Variants in RADIL observed in about 807,000 individuals in gnomAD.
The protein encoded by RADIL is Rap associating with DIL domain, also known as ras-associating and dilute domain-containing protein.
Under a neutral mutation model 97.6 loss-of-function variants are expected in RADIL, and 99 were observed. That is an observed-to-expected ratio of 1.01 (90% CI 0.86 to 1.20). The LOEUF (loss-of-function observed/expected upper bound fraction) is 1.20. Ranked by LOEUF, RADIL falls within the 50% of genes most tolerant of loss-of-function variation. The pLI, the probability that RADIL is intolerant of heterozygous loss-of-function variation, is 0.00. For synonymous variants in RADIL, 803 were observed against 691.8 expected, an observed-to-expected ratio of 1.16 and a Z score of -2.52; for missense variants, 1,765 against 1,498.9, an observed-to-expected ratio of 1.18 and a Z score of -2.93.
chr7:4,857,107 A>G (rs917703683), intron 2 of RADIL, among the ~76,000 whole-genome samples: 1 of 152,240 alleles, frequency 6.6e-6, no homozygotes, highest in Non-Finnish European at 1.5e-5. Context: ...TGACACATTT[A>G]ACAATTTCTG....
In RADIL at chr7:4,813,343, C is replaced by T. The variant is rs532359800; in HGVS notation, c.2139+1935G>A. Among the ~76,000 whole-genome samples the T allele has an allele frequency of 1.3e-5, 2 of 152,314 alleles. No homozygotes were observed. Among genetic ancestry groups the T allele is most frequent in the African/African-American group, 2.4e-5 (1 of 41,550 alleles). On this transcript the variant is annotated intron_variant, in intron 9 of 14. Transcript: ENST00000399583. The surrounding 1 kb of genome is among the most constrained non-coding windows in gnomAD (Gnocchi z 5.0). The stretch of plus-strand genomic sequence containing the variant: ...CCAAGGGGTCCTGGACTCGTCATCT[C>T]TGTCTCCTCTACACTGTGAAGGCAC...
intron 9 of RADIL, chr7:4,809,533 CG>C (rs1455018695): frequency 1.0e-6 from 1 of 985,308 alleles, no homozygotes; most frequent in African/African-American, 1.7e-5. Context: ...GGCGGCTGCT[CG>C]GGAGCCCCCA....
chr7:4,805,029 G>A (rs1308379636), intron 10 of RADIL, among the ~76,000 whole-genome samples: 1 of 152,162 alleles, frequency 6.6e-6, no homozygotes, highest in African/African-American at 2.4e-5. Flanking sequence ...GGGAGGTGGA[G>A]GTTGCAGTGA....
intron 2 of RADIL, among the ~76,000 whole-genome samples, chr7:4,863,881 C>T (rs2115037487): frequency 6.6e-6 from 1 of 152,298 alleles, no homozygotes; most frequent in African/African-American, 2.4e-5. Context: ...CCAAGACTGG[C>T]CAATGCCTCT....
chr7:4,861,152 T>C (rs980228050), intron 2 of RADIL: 1 of 1,614,212 alleles, frequency 6.2e-7, no homozygotes, highest in Admixed American at 1.7e-5. Flanking sequence ...CAGCCTGAAG[T>C]TGTCAATGTT....
chr7:4,880,347 A>G lies in RADIL; in HGVS notation c.-64-2144T>C, dbSNP rs891749838. The stretch of plus-strand genomic sequence containing the variant: ...CAAAGGCCTCGGTTTCATTTACAAC[A>G]AAAGCATTTTCAGACAGTGCTCACA... On this transcript the variant is annotated intron_variant, in intron 1 of 14. Coordinates refer to ENST00000399583, the MANE Select transcript of RADIL (RefSeq NM_018059.5). This position sits in a 1 kb window ranked among gnomAD's most constrained non-coding sequence, Gnocchi z 4.5. 5.3e-5 allele frequency among the ~76,000 whole-genome samples: 8 copies of G among 152,170 alleles called. No individual in the cohort carries two copies. Among genetic ancestry groups the G allele is most frequent in the African/African-American group, 1.9e-4 (8 of 41,434 alleles).
At chr7:4,861,296 G>C (rs574789052) in intron 2 of RADIL, 3 of 1,614,032 alleles carry the variant, frequency 1.9e-6, no homozygotes, top group Non-Finnish European at 2.5e-6. Context: ...TGCTAATCTT[G>C]CAAATAAAAT....
In RADIL at chr7:4,878,812, G is replaced by C. The variant is rs4724132; in HGVS notation, c.-64-609C>G. Among the ~76,000 whole-genome samples the C allele has an allele frequency of 0.26, 39,651 of 152,220 alleles. 5,415 individuals carry two copies. The highest frequency in any genetic ancestry group is 0.36 in the Admixed American group (5,494 of 15,300). The stretch of plus-strand genomic sequence containing the variant: ...TCAAGGAGCGCCCCACCCGGAGCCG[G>C]CCCCAGCACCATCACAGCCACAGAA... On this transcript the variant is annotated intron_variant, in intron 1 of 14. Coordinates refer to ENST00000399583, the MANE Select transcript of RADIL (RefSeq NM_018059.5). The surrounding 1 kb of genome is among the most constrained non-coding windows in gnomAD (Gnocchi z 4.1).
chr7:4,825,004 T>C (rs748502220), intron 5 of RADIL, among the ~76,000 whole-genome samples: 21 of 151,984 alleles, frequency 1.4e-4, no homozygotes, highest in Non-Finnish European at 2.6e-4. Context: ...CCTGGGGCCA[T>C]GTGAGTGGGG....
rs1346462110 is a variant in RADIL, at chr7:4,797,808, G to A, written c.*1570C>T. ...AGCCTGGCCAACGTGGTGAAACCCT[G>A]TCTCTACTAAAAGTACTAAATTAGC... On this transcript the variant is annotated 3_prime_UTR_variant, in exon 15 of 15. Transcript: ENST00000399583. 1 of 151,978 alleles carries A rather than the reference G, an allele frequency of 6.6e-6. No homozygotes were observed. Among genetic ancestry groups the A allele is most frequent in the African/African-American group, 2.4e-5 (1 of 41,388 alleles). The allele number at this position is 151,978 out of a possible 1,614,324, so 9.4% of individuals were successfully genotyped here.
rs929466673 is a variant in RADIL at position 4,878,479 on chromosome 7, G to A, written c.-64-276C>T. On this transcript the variant is annotated intron_variant, in intron 1 of 14. Transcript: ENST00000399583. This position sits in a 1 kb window ranked among gnomAD's most constrained non-coding sequence, Gnocchi z 4.1. Reference sequence around the variant, plus strand: ...GGCTTGAGCCCAGGAGTTCAAGATTGCAGTGAGCTATGATAGTGCCACGGC... The same window carrying A: ...GGCTTGAGCCCAGGAGTTCAAGATTACAGTGAGCTATGATAGTGCCACGGC... Among the ~76,000 whole-genome samples the A allele has an allele frequency of 6.6e-6, 1 of 152,204 alleles. No individual in the cohort carries two copies. Among genetic ancestry groups the A allele is most frequent in the African/African-American group, 2.4e-5 (1 of 41,454 alleles).
chr7:4,851,671 A>G (rs774758606), intron 2 of RADIL, among the ~76,000 whole-genome samples: 2 of 151,998 alleles, frequency 1.3e-5, no homozygotes, highest in Non-Finnish European at 2.9e-5. Flanking sequence ...TTCCAAGCAG[A>G]GTGTAGAAGG....
Position 4,841,162 on chromosome 7 carries a change from A to G in RADIL, c.536-4557T>C, listed in dbSNP as rs543581472. 3.3e-5 allele frequency among the ~76,000 whole-genome samples: 5 copies of G among 152,340 alleles called. No individual in the cohort carries two copies. In the East Asian group the frequency reaches 9.6e-4, roughly 29 times the overall value. ...CCAGGCTGCAAGCCAGAATACGCCC[A>G]TGTCTTCTGTTGCCTACCCCATGTG... On this transcript the variant is annotated intron_variant, in intron 2 of 14. Coordinates refer to ENST00000399583, the MANE Select transcript of RADIL (RefSeq NM_018059.5).
rs1783454207 is a variant in RADIL at position 4,842,134 on chromosome 7, G to C, written c.536-5529C>G. On this transcript the variant is annotated intron_variant, in intron 2 of 14. Coordinates refer to ENST00000399583, the MANE Select transcript of RADIL (RefSeq NM_018059.5). This position sits in a 1 kb window ranked among gnomAD's most constrained non-coding sequence, Gnocchi z 4.5. ...CGTAAGGGACCATGGTTTGCAGACA[G>C]GCCTGCCTGGTCATGAAATGTCTGC... is the stretch of plus-strand genomic sequence containing the variant. Among the ~76,000 whole-genome samples the C allele has an allele frequency of 6.6e-6, 1 of 152,192 alleles. No homozygotes were observed. The highest frequency in any genetic ancestry group is 1.9e-4 in the East Asian group (1 of 5,190).
chr7:4,874,508 A>G (rs1784324888), intron 2 of RADIL, among the ~76,000 whole-genome samples: 1 of 152,174 alleles, frequency 6.6e-6, no homozygotes, highest in African/African-American at 2.4e-5. Flanking sequence ...CCTTCTTGGC[A>G]TGGCTGAGGG....
chr7:4,809,384 G>A (rs1782470068), intron 9 of RADIL: 2 of 985,258 alleles, frequency 2.0e-6, no homozygotes, highest in South Asian at 4.7e-5. Context: ...AGCGGGGGGA[G>A]GCGGAGATCC....
At chr7:4,816,203 C>T (rs1431794788) in intron 8 of RADIL, 25 bp downstream of exon 8, 1 of 1,593,660 alleles carries the variant, frequency 6.3e-7, no homozygotes, top group Non-Finnish European at 8.6e-7. Context: ...GCCCCCGACC[C>T]CTCAACCCTG....
chr7:4,826,216 ATAAT>A (rs945810366), intron 5 of RADIL, among the ~76,000 whole-genome samples: 1 of 152,042 alleles, frequency 6.6e-6, no homozygotes, highest in South Asian at 2.1e-4. Context: ...TCAAAAAATA[ATAAT>A]TAATTAAATT....
chr7:4,865,237 A>G (rs1287420839), intron 2 of RADIL, among the ~76,000 whole-genome samples: 1 of 152,230 alleles, frequency 6.6e-6, no homozygotes, highest in African/African-American at 2.4e-5. Context: ...CTTCTTTTTC[A>G]TAGCACATAA....
Sources: allele counts gnomAD v4.1 joint callset (sites outside exome capture counted in the v4.1 genomes callset), GRCh38; gene constraint gnomAD v4.1.1; non-coding constraint Gnocchi (gnomAD v3.1); transcripts MANE v1.5; gene names NCBI Gene and HGNC (gene_info 2026-07-23, HGNC 2026-07-21).